Variants in VAC14 observed in about 807,000 individuals in gnomAD.
VAC14 encodes the protein protein VAC14 homolog.
A neutral mutation model predicts 85.3 loss-of-function variants in VAC14; 47 were observed. The observed-to-expected ratio is 0.55, with a 90% CI of 0.44 to 0.70. VAC14 has a LOEUF of 0.70. Ranked by LOEUF, VAC14 falls within the 30% of genes least tolerant of loss-of-function variation. The probability of loss-of-function intolerance (pLI) is 0.00; values close to 1 mark genes in which losing one functional copy is unlikely to be tolerated. For missense variants in VAC14, 861 were observed against 1,004.3 expected, an observed-to-expected ratio of 0.86 and a Z score of 1.93; for synonymous variants, 447 against 430.5, an observed-to-expected ratio of 1.04 and a Z score of -0.47.
At chr16:70,703,660 G>A (rs1054781672) in intron 14 of VAC14, among the ~76,000 whole-genome samples, 2 of 152,182 alleles carry the variant, frequency 1.3e-5, no homozygotes, top group African/African-American at 4.8e-5. Flanking sequence ...GCTGGCTGCC[G>A]CCTGGACAGC....
At position 70,784,189 on chromosome 16, in the gene VAC14, A is replaced by T; in HGVS notation, c.518T>A (p.Leu173Gln). ...TCGCAACAAGGGGATGAAGCTCACC[A>T]GGTCAAACTTGTTGCTCTCAGTCAC... is the stretch of plus-strand genomic sequence containing the variant. ...DIVTESNKFD[L>Q]VSFIPLLRER... is the part of the protein sequence containing the mutation. The change falls in exon 5 of 19, where the codon CTG (leucine) becomes CAG (glutamine). Residue 173 changes from leucine (L) to glutamine (Q), a missense_variant. By Grantham distance (113) the Leu-to-Gln change is moderately radical (BLOSUM62 -2). This residue lies in a region of VAC14 where 629 missense variants were observed against 703.1 expected (regional missense o/e 0.89). Coordinates refer to ENST00000261776, the MANE Select transcript of VAC14 (RefSeq NM_018052.5). 1 of 1,614,192 alleles carries T rather than the reference A, an allele frequency of 6.2e-7. No individual in the cohort carries two copies. Among genetic ancestry groups the T allele is most frequent in the Non-Finnish European group, 8.5e-7 (1 of 1,180,032 alleles).
chr16:70,757,264 C>T (rs1404737545), intron 12 of VAC14, among the ~76,000 whole-genome samples: 1 of 152,214 alleles, frequency 6.6e-6, no homozygotes, highest in African/African-American at 2.4e-5. Context: ...GCTTTTGTGG[C>T]TGTGGAGGCT....
At chr16:70,692,731 G>A in intron 18 of VAC14, 90 bp downstream of exon 18, 1 of 1,513,994 alleles carries the variant, frequency 6.6e-7, no homozygotes, top group Non-Finnish European at 8.8e-7. Context: ...GGAGGCCTCA[G>A]CAGCCCCTGG....
intron 14 of VAC14, among the ~76,000 whole-genome samples, chr16:70,705,297 G>T (rs1460915660): frequency 6.6e-6 from 1 of 152,252 alleles, no homozygotes; most frequent in African/African-American, 2.4e-5. Flanking sequence ...CGTGGTGGGG[G>T]TGTTTTGGGT....
At chr16:70,745,694 C>T (rs2030824331) in intron 12 of VAC14, among the ~76,000 whole-genome samples, 1 of 152,198 alleles carries the variant, frequency 6.6e-6, no homozygotes, top group African/African-American at 2.4e-5. Context: ...CTATGCCTGT[C>T]CCCCCAAAAG....
chr16:70,689,213 G>A, intron 18 of VAC14: 1 of 982,592 alleles, frequency 1.0e-6, no homozygotes, highest in African/African-American at 1.7e-5. Flanking sequence ...GAGCGGCCCT[G>A]GGGTGGCTGC....
At chr16:70,733,153 C>T (rs1382906756) in intron 13 of VAC14, among the ~76,000 whole-genome samples, 1 of 152,198 alleles carries the variant, frequency 6.6e-6, no homozygotes, top group Non-Finnish European at 1.5e-5. Context: ...TTCTCACTTC[C>T]ATGGCCCCTA....
intron 12 of VAC14, among the ~76,000 whole-genome samples, chr16:70,759,915 A>G (rs543567400): frequency 2.6e-5 from 4 of 152,266 alleles, no homozygotes; most frequent in African/African-American, 9.6e-5. Flanking sequence ...ACCACCTCCT[A>G]GCTGTGTGCA....
intron 1 of VAC14, among the ~76,000 whole-genome samples, chr16:70,794,441 T>G (rs1056293889): frequency 6.6e-6 from 1 of 151,870 alleles, no homozygotes; most frequent in African/African-American, 2.4e-5. Context: ...AGGGGCTTTT[T>G]TTTAAAATAA....
intron 13 of VAC14, among the ~76,000 whole-genome samples, chr16:70,739,515 G>A (rs1320879558): frequency 1.3e-5 from 2 of 152,358 alleles, no homozygotes; most frequent in East Asian, 3.9e-4. Context: ...CCCTCTGGCT[G>A]TGGAAGCTTC....
chr16:70,753,534 G>A (rs1407467453), intron 12 of VAC14, among the ~76,000 whole-genome samples: 2 of 152,226 alleles, frequency 1.3e-5, no homozygotes, highest in African/African-American at 4.8e-5. Flanking sequence ...AGGGCTGCAT[G>A]GAGAGGGCAC....
At chr16:70,784,658 A>T in intron 4 of VAC14, 118 bp downstream of exon 4, 1 of 1,040,136 alleles carries the variant, frequency 9.6e-7, no homozygotes, top group East Asian at 2.4e-5. Flanking sequence ...GAGTACATGT[A>T]AATTTAAAAT....
intron 14 of VAC14, among the ~76,000 whole-genome samples, chr16:70,728,728 C>G (rs148365188): frequency 6.6e-6 from 1 of 152,352 alleles, no homozygotes; most frequent in Non-Finnish European, 1.5e-5. Context: ...GGTGGAAAAC[C>G]CACCTCAGCC....
chr16:70,789,001 G>A (rs1329618560), intron 1 of VAC14, among the ~76,000 whole-genome samples: 1 of 152,236 alleles, frequency 6.6e-6, no homozygotes, highest in Non-Finnish European at 1.5e-5. Context: ...GGGGACTCCT[G>A]TTGTGCTGTC....
At chr16:70,688,901 C>T (rs780464754) in intron 18 of VAC14, 271 of 985,536 alleles carry the variant, frequency 2.7e-4, no homozygotes, top group Non-Finnish European at 3.2e-4. Flanking sequence ...CTCCCTTTGG[C>T]CTCACTGGTT....
At chr16:70,752,676 C>T (rs1210548569) in intron 12 of VAC14, among the ~76,000 whole-genome samples, 1 of 152,372 alleles carries the variant, frequency 6.6e-6, no homozygotes, top group South Asian at 2.1e-4. Context: ...GGTTTACTTG[C>T]AAGCTACGCA....
At chr16:70,724,957 C>G (rs1597888038) in intron 14 of VAC14, among the ~76,000 whole-genome samples, 1 of 152,252 alleles carries the variant, frequency 6.6e-6, no homozygotes, top group Non-Finnish European at 1.5e-5. Context: ...AGCAAACAGA[C>G]TTAGGTTGGT....
intron 13 of VAC14, among the ~76,000 whole-genome samples, chr16:70,737,224 G>C (rs1338909460): frequency 6.6e-5 from 10 of 152,208 alleles, no homozygotes; most frequent in Non-Finnish European, 1.5e-4. Context: ...AGGGTCCTGG[G>C]CTGGGTGCTG....
chr16:70,763,893 G>A (rs2032603313), intron 10 of VAC14, among the ~76,000 whole-genome samples: 1 of 152,226 alleles, frequency 6.6e-6, no homozygotes, highest in Non-Finnish European at 1.5e-5. Flanking sequence ...GGGTTTTCAA[G>A]GTGGGGGCAG....
Sources: gnomAD v4.1 joint callset for allele counts (sites outside exome capture counted in the v4.1 genomes callset) on GRCh38, gnomAD v4.1.1 for gene constraint, gnomAD v4.1.1 regional missense constraint, MANE v1.5 for transcripts, NCBI Gene and HGNC (gene_info 2026-07-23, HGNC 2026-07-21) for gene names.